BIRC5: variants seen among roughly 807,000 people sequenced by gnomAD.
The protein encoded by BIRC5 is baculoviral IAP repeat containing 5.
Under a neutral mutation model 15.8 loss-of-function variants are expected in BIRC5, and 8 were observed. The ratio of observed to expected loss-of-function variants is 0.51; its 90% CI spans 0.30 to 0.91. The LOEUF (loss-of-function observed/expected upper bound fraction) is 0.91, where lower values mean the gene tolerates loss of function less well. Among genes scored for constraint, BIRC5 ranks in the 40% least tolerant of loss-of-function variants. The pLI, the probability that BIRC5 is intolerant of heterozygous loss-of-function variation, is 0.07. For missense variants in BIRC5, 163 were observed against 178.6 expected, an observed-to-expected ratio of 0.91 and a Z score of 0.50; for synonymous variants, 56 against 64.5, an observed-to-expected ratio of 0.87 and a Z score of 0.63.
intron 3 of BIRC5, among the ~76,000 whole-genome samples, chr17:78,217,723 TC>T (rs1241373931): frequency 1.3e-5 from 2 of 150,102 alleles, no homozygotes; most frequent in Non-Finnish European, 3.0e-5. Context: ...GGTCTCGATC[TC>T]CTGACCTCGT....
intron 1 of BIRC5, 50 bp downstream of exon 1, chr17:78,214,477 C>T: frequency 2.1e-6 from 3 of 1,461,484 alleles, no homozygotes; most frequent in African/African-American, 2.8e-5. Context: ...TTGCCCTGTC[C>T]CTAGCGAGGC....
chr17:78,224,023 T>G lies in BIRC5; in HGVS notation c.*469T>G. 1 of 171,374 alleles carries G rather than the reference T, an allele frequency of 5.8e-6. No individual in the cohort carries two copies. The highest frequency in any genetic ancestry group is 6.4e-5 in the Admixed American group (1 of 15,688). 10.6% of individuals were successfully genotyped at this position (171,374 alleles called of 1,614,324 possible). ...GCAGGTTCCTTATCTGTCACACCTG[T>G]GCCTCCTCAGAGGACAGTTTTTTTG... On this transcript the variant is annotated 3_prime_UTR_variant, in exon 4 of 4. Coordinates refer to ENST00000350051, the MANE Select transcript of BIRC5 (RefSeq NM_001168.3).
rs2076526237 is a variant in BIRC5 at position 78,223,119 on chromosome 17, C to T, written c.340-346C>T. The T allele has an allele frequency of 3.2e-6, 3 of 942,006 alleles. No homozygotes were observed. In the South Asian group the frequency reaches 5.9e-5, roughly 18 times the overall value. The allele number at this position is 942,006 out of a possible 1,614,324, so 58.4% of individuals were successfully genotyped here. A position where few individuals can be genotyped will look rare whatever the true frequency, so the allele number is the denominator to read the frequency against. ...TTTGAGTGGCTCCTTCAGCCTGGAC[C>T]TCGGTTTCCTCACCTGTATAGTAGA... is the stretch of plus-strand genomic sequence containing the variant. On this transcript the variant is annotated intron_variant, in intron 3 of 3. Coordinates refer to ENST00000350051, the MANE Select transcript of BIRC5 (RefSeq NM_001168.3).
At chr17:78,220,194 C>T (rs1335506053) in intron 3 of BIRC5, among the ~76,000 whole-genome samples, 3 of 152,054 alleles carry the variant, frequency 2.0e-5, no homozygotes, top group East Asian at 1.9e-4. Context: ...TTTGGGAGGC[C>T]GAGGCGGGTG....
At position 78,223,831 on chromosome 17, in the gene BIRC5, T is replaced by C; in HGVS notation, c.*277T>C. 1 of 537,428 alleles carries C rather than the reference T, an allele frequency of 1.9e-6. No individual in the cohort carries two copies. Among genetic ancestry groups the C allele is most frequent in the South Asian group, 2.8e-5 (1 of 35,464 alleles). The allele number at this position is 537,428 out of a possible 1,614,324, so 33.3% of individuals were successfully genotyped here. ...TTTTTGCTGTTTTGATTCCCGGGCT[T>C]ACCAGGTGAGAAGTGAGGGAGGAAG... On this transcript the variant is annotated 3_prime_UTR_variant, in exon 4 of 4. Transcript: ENST00000350051.
At position 78,216,731 on chromosome 17, in the gene BIRC5, A is replaced by G. The variant is rs1345835169; in HGVS notation, c.289A>G (p.Thr97Ala). 1.9e-6 allele frequency: 3 copies of G among 1,614,034 alleles called. No individual in the cohort carries two copies. The highest frequency in any genetic ancestry group is 1.7e-6 in the Non-Finnish European group (2 of 1,179,972). ...LSVKKQFEEL[T>A]LGEFLKLDRE... ...TGTCAAGAAGCAGTTTGAAGAATTAACCCTTGGTGAATTTTTGAAACTGGA... is the reference window on the plus strand; with the variant it reads ...TGTCAAGAAGCAGTTTGAAGAATTAGCCCTTGGTGAATTTTTGAAACTGGA... The change falls in exon 3 of 4, where the codon ACC becomes GCC. Residue 97 changes from threonine to alanine, a missense_variant. Transcript: ENST00000350051.
chr17:78,216,445 T>TG (rs1471014815), intron 2 of BIRC5: 6 of 484,518 alleles, frequency 1.2e-5, no homozygotes, highest in Non-Finnish European at 1.9e-5. Context: ...CACACAGATG[T>TG]GGGGGGAGAT....
At chr17:78,216,804 G>T in intron 3 of BIRC5, 23 bp downstream of exon 3, 1 of 1,566,106 alleles carries the variant, frequency 6.4e-7, no homozygotes. Context: ...AATAAGAACT[G>T]CTCAAACCCT....
At chr17:78,220,564 G>C (rs2076508573) in intron 3 of BIRC5, among the ~76,000 whole-genome samples, 1 of 152,188 alleles carries the variant, frequency 6.6e-6, no homozygotes, top group African/African-American at 2.4e-5. Flanking sequence ...CTGGAAAGAG[G>C]GGAGACATTA....
At chr17:78,220,070 C>T (rs1435795923) in intron 3 of BIRC5, among the ~76,000 whole-genome samples, 1 of 151,378 alleles carries the variant, frequency 6.6e-6, no homozygotes, top group Non-Finnish European at 1.5e-5. Context: ...TCTAGGGTTA[C>T]AGGGATGAAG....
Position 78,225,557 on chromosome 17 carries a change from T to C in BIRC5, c.*2003T>C, listed in dbSNP as rs537041613. ...CCCAGAAGAGACCAGCAAGCCAAACTGGAGCCCCCATTGCAGGCTGTCGCC... is the reference window on the plus strand; with the variant it reads ...CCCAGAAGAGACCAGCAAGCCAAACCGGAGCCCCCATTGCAGGCTGTCGCC... On this transcript the variant is annotated 3_prime_UTR_variant, in exon 4 of 4. Coordinates refer to ENST00000350051, the MANE Select transcript of BIRC5 (RefSeq NM_001168.3). The C allele has an allele frequency of 6.6e-6, 1 of 152,234 alleles. No homozygotes were observed. The highest frequency in any genetic ancestry group is 1.5e-5 in the Non-Finnish European group (1 of 68,044). The allele number at this position is 152,234 out of a possible 1,614,324, so 9.4% of individuals were successfully genotyped here. A position where few individuals can be genotyped will look rare whatever the true frequency, so the allele number is the denominator to read the frequency against.
At position 78,223,665 on chromosome 17, in the gene BIRC5, G is replaced by T; in HGVS notation, c.*111G>T. 1 of 1,537,670 alleles carries T rather than the reference G, an allele frequency of 6.5e-7. No individual in the cohort carries two copies. The highest frequency in any genetic ancestry group is 8.8e-7 in the Non-Finnish European group (1 of 1,140,532). On this transcript the variant is annotated 3_prime_UTR_variant, in exon 4 of 4. Transcript: ENST00000350051. ...CCCTTAGCAATGTCTTAGGAAAGGAGATCAACATTTTCAAATTAGATGTTT... is the reference window on the plus strand; with the variant it reads ...CCCTTAGCAATGTCTTAGGAAAGGATATCAACATTTTCAAATTAGATGTTT...
chr17:78,215,972 G>A (rs752070613), intron 2 of BIRC5: 18 of 1,064,910 alleles, frequency 1.7e-5, no homozygotes, highest in South Asian at 3.5e-5. Context: ...ACAGTGGGCC[G>A]GGCACGGTGG....
intron 3 of BIRC5, among the ~76,000 whole-genome samples, chr17:78,220,289 G>A (rs1043525800): frequency 7.0e-4 from 103 of 147,662 alleles, no homozygotes; most frequent in African/African-American, 2.1e-3. Flanking sequence ...TTAGCTGGGC[G>A]TGGTGGCGGG....
chr17:78,215,686 G>A (rs1432701186), intron 2 of BIRC5, among the ~76,000 whole-genome samples: 1 of 151,522 alleles, frequency 6.6e-6, no homozygotes, highest in Non-Finnish European at 1.5e-5. Flanking sequence ...TTCTTAGTAT[G>A]TTTGCTATGG....
rs540903547 is a variant in BIRC5, at chr17:78,218,696, G to A, written c.339+1915G>A. Among the ~76,000 whole-genome samples the A allele has an allele frequency of 2.1e-4, 32 of 150,548 alleles. No individual in the cohort carries two copies. The East Asian group carries it at 4.3e-3, about 20-fold the overall frequency. On this transcript the variant is annotated intron_variant, in intron 3 of 3. Coordinates refer to ENST00000350051, the MANE Select transcript of BIRC5 (RefSeq NM_001168.3). ...CAGCTCACTACAAGCTCCGCCTCCC[G>A]GGTTCACGCCATTCTTCTGCCTCAG... is the stretch of plus-strand genomic sequence containing the variant.
intron 3 of BIRC5, among the ~76,000 whole-genome samples, chr17:78,221,764 C>T (rs11655650): frequency 0.41 from 62,429 of 152,014 alleles, 13,040 homozygotes; most frequent in African/African-American, 0.49. Context: ...AGGAGCTTCG[C>T]TAATTTAAGG....
intron 2 of BIRC5, chr17:78,214,991 C>A: frequency 1.8e-6 from 1 of 543,060 alleles, no homozygotes; most frequent in Non-Finnish European, 3.3e-6. Context: ...ACCAAAATGC[C>A]TTGGGGTGGA....
At chr17:78,222,258 T>A (rs999922101) in intron 3 of BIRC5, among the ~76,000 whole-genome samples, 9 of 150,656 alleles carry the variant, frequency 6.0e-5, no homozygotes, top group Non-Finnish European at 8.9e-5. Flanking sequence ...AATTTATTAT[T>A]TTTAAATTAA....
Sources: gnomAD v4.1 joint callset for allele counts (sites outside exome capture counted in the v4.1 genomes callset) on GRCh38, gnomAD v4.1.1 for gene constraint, MANE v1.5 for transcripts, NCBI Gene and HGNC (gene_info 2026-07-23, HGNC 2026-07-21) for gene names.